RTP2: variants seen among roughly 807,000 people sequenced by gnomAD.
RTP2 encodes the protein receptor-transporting protein 2.
RTP2 carries 12 observed loss-of-function variants against 17.9 expected under a neutral mutation model. The observed-to-expected ratio is 0.67, with a 90% CI of 0.43 to 1.09. The LOEUF is 1.09. Among genes scored for constraint, RTP2 ranks in the 50% least tolerant of loss-of-function variants. RTP2 has a pLI of 0.00. For missense variants in RTP2, 327 were observed against 295.7 expected, an observed-to-expected ratio of 1.11 and a Z score of -0.78; for synonymous variants, 126 against 117.7, an observed-to-expected ratio of 1.07 and a Z score of -0.46.
At chr3:187,712,089 T>C in the RTP2 span, among the ~76,000 whole-genome samples, 5 of 152,080 alleles carry the variant, frequency 3.3e-5, no homozygotes, top group African/African-American at 4.8e-5. Flanking sequence ...AATCTACACA[T>C]ACAACAAAAT....
upstream of RTP2, among the ~76,000 whole-genome samples, chr3:187,705,406 G>A (rs1363897306): frequency 6.6e-6 from 1 of 152,202 alleles, no homozygotes; most frequent in Admixed American, 6.5e-5. Context: ...TGAAAAGGGA[G>A]CATGGGATAG....
At chr3:187,699,713 C>A (rs1717792509) in intron 1 of RTP2, among the ~76,000 whole-genome samples, 1 of 147,050 alleles carries the variant, frequency 6.8e-6, no homozygotes, top group Admixed American at 6.8e-5. Flanking sequence ...AGAGGGTATT[C>A]ATTCCCATTG....
the RTP2 span, among the ~76,000 whole-genome samples, chr3:187,714,691 A>G: frequency 1.3e-5 from 2 of 152,162 alleles, no homozygotes; most frequent in Non-Finnish European, 2.9e-5. Flanking sequence ...CCGTCACTCA[A>G]CAAACCTGTA....
rs1717762476 is a variant in RTP2 at position 187,698,829 on chromosome 3, C to T, written c.347G>A (p.Gly116Asp). ...GCTGGTGATGAGGTTGTCCACCAGG[C>T]CCTCGATGTTCTCCTCCAGCATGCT... Residue 116 changes from glycine to aspartate, a missense_variant, in exon 2 of 2, where the codon GGC becomes GAC. Gly to Asp is a moderately conservative substitution (Grantham distance 94, BLOSUM62 -1). Transcript: ENST00000358241. 1.9e-6 allele frequency: 3 copies of T among 1,612,980 alleles called. No individual in the cohort carries two copies. In the East Asian group the frequency reaches 6.7e-5, roughly 36 times the overall value.
At chr3:187,698,695 C>T (rs564574497) in exon 2 of RTP2, 2 of 1,614,100 alleles carry the variant, frequency 1.2e-6, no homozygotes, top group African/African-American at 2.7e-5. Context: ...TGAACGATGC[C>T]CTCCTGGCAG....
chr3:187,700,911 T>A (rs1207095962), intron 1 of RTP2, among the ~76,000 whole-genome samples: 1 of 152,214 alleles, frequency 6.6e-6, no homozygotes, highest in Non-Finnish European at 1.5e-5. Context: ...AAGGCAGGTT[T>A]ACTCCAATAA....
At chr3:187,700,068 C>T (rs1046568014) in intron 1 of RTP2, among the ~76,000 whole-genome samples, 1 of 152,178 alleles carries the variant, frequency 6.6e-6, no homozygotes, top group African/African-American at 2.4e-5. Flanking sequence ...CATCACTGGC[C>T]CTTTCTGGAT....
chr3:187,703,707 C>T (rs552391525), upstream of RTP2, among the ~76,000 whole-genome samples: 28 of 152,222 alleles, frequency 1.8e-4, no homozygotes, highest in Middle Eastern at 6.8e-3. Flanking sequence ...AGGAACTGAA[C>T]GAAGCTGAGA....
chr3:187,708,079 G>T, the RTP2 span, among the ~76,000 whole-genome samples: 2 of 152,142 alleles, frequency 1.3e-5, no homozygotes, highest in East Asian at 1.9e-4. Flanking sequence ...AGTTTTTATT[G>T]TCCGTAAAAC....
exon 2 of RTP2, chr3:187,698,979 T>C: frequency 6.3e-7 from 1 of 1,592,524 alleles, no homozygotes; most frequent in Admixed American, 1.7e-5. Context: ...ATGGGCAGAC[T>C]GCCAGGTGTG....
upstream of RTP2, among the ~76,000 whole-genome samples, chr3:187,703,612 A>G (rs1486058044): frequency 6.6e-6 from 1 of 152,220 alleles, no homozygotes; most frequent in Non-Finnish European, 1.5e-5. Context: ...CCAGGCTCTC[A>G]GGACTGGGTA....
At chr3:187,703,033 C>A (rs1717894085), upstream of RTP2, among the ~76,000 whole-genome samples, 1 of 152,144 alleles carries the variant, frequency 6.6e-6, no homozygotes, top group South Asian at 2.1e-4. Context: ...TCCATTACTG[C>A]TGAGCTGGAG....
upstream of RTP2, among the ~76,000 whole-genome samples, chr3:187,706,685 C>T (rs1717999925): frequency 6.6e-6 from 1 of 152,162 alleles, no homozygotes. Flanking sequence ...TCACTGCAGC[C>T]TCTGCCTCCT....
chr3:187,711,536 T>C, the RTP2 span, among the ~76,000 whole-genome samples: 1 of 152,228 alleles, frequency 6.6e-6, no homozygotes, highest in African/African-American at 2.4e-5. Context: ...TCTTAGAGAA[T>C]GTGGTCTGTA....
At chr3:187,713,542 T>G in the RTP2 span, among the ~76,000 whole-genome samples, 1 of 152,220 alleles carries the variant, frequency 6.6e-6, no homozygotes, top group East Asian at 1.9e-4. Context: ...TCTTCTGGGC[T>G]TTAGATACCC....
At chr3:187,712,107 A>G in the RTP2 span, among the ~76,000 whole-genome samples, 1 of 152,164 alleles carries the variant, frequency 6.6e-6, no homozygotes, top group South Asian at 2.1e-4. Context: ...AATTGCATAG[A>G]AACACACACA....
chr3:187,709,897 G>C, the RTP2 span, among the ~76,000 whole-genome samples: 1 of 151,974 alleles, frequency 6.6e-6, no homozygotes, highest in South Asian at 2.1e-4. Context: ...TCTGTGAGAG[G>C]ACATGCATTG....
chr3:187,708,198 C>A, the RTP2 span, among the ~76,000 whole-genome samples: 2 of 152,140 alleles, frequency 1.3e-5, no homozygotes, highest in Non-Finnish European at 2.9e-5. Context: ...AACACAGACA[C>A]CCACGGGCTA....
At chr3:187,715,551 G>T in the RTP2 span, 4 of 422,828 alleles carry the variant, frequency 9.5e-6, no homozygotes, top group Non-Finnish European at 1.9e-5. Context: ...ATAGGCCTTG[G>T]GGGAGCTGTG....
Sources: gnomAD v4.1 joint callset for allele counts (sites outside exome capture counted in the v4.1 genomes callset) on GRCh38, gnomAD v4.1.1 for gene constraint, MANE v1.5 for transcripts, NCBI Gene and HGNC (gene_info 2026-07-23, HGNC 2026-07-21) for gene names.